The following MBD2 variants were observed in gnomAD, a reference collection of about 807,000 sequenced individuals.
MBD2 encodes methyl-CpG binding domain protein 2.
MBD2 carries 9 observed loss-of-function variants against 39.3 expected under a neutral mutation model. That is an observed-to-expected ratio of 0.23 (90% confidence interval 0.14 to 0.40). The LOEUF (loss-of-function observed/expected upper bound fraction) is 0.40, where lower values mean the gene tolerates loss of function less well. MBD2 is among the 10% of genes least tolerant of loss of function. MBD2 has a pLI of 1.00. For missense variants in MBD2, 458 were observed against 532.6 expected, an observed-to-expected ratio of 0.86 and a Z score of 1.38; for synonymous variants, 233 against 211.1, an observed-to-expected ratio of 1.10 and a Z score of -0.90.
intron 6 of MBD2, among the ~76,000 whole-genome samples, chr18:54,157,727 C>T (rs2086063407): frequency 6.6e-6 from 1 of 152,060 alleles, no homozygotes; most frequent in Non-Finnish European, 1.5e-5. Context: ...TTCAACTCAC[C>T]CTCCCTGCAA....
intron 3 of MBD2, among the ~76,000 whole-genome samples, chr18:54,180,578 G>A (rs1469000155): frequency 6.6e-6 from 1 of 151,946 alleles, no homozygotes; most frequent in Admixed American, 6.6e-5. Flanking sequence ...AGAAATAATG[G>A]CTAAAATTAA....
At chr18:54,208,780 C>T (rs1021957794) in intron 1 of MBD2, among the ~76,000 whole-genome samples, 1 of 152,178 alleles carries the variant, frequency 6.6e-6, no homozygotes, top group Non-Finnish European at 1.5e-5. Flanking sequence ...TTATCCACTG[C>T]AGCTGAAAAC....
chr18:54,162,257 A>G (rs2086103175), intron 5 of MBD2, among the ~76,000 whole-genome samples: 1 of 152,252 alleles, frequency 6.6e-6, no homozygotes, highest in East Asian at 1.9e-4. Flanking sequence ...AATTTGTTAC[A>G]AAGTATTAAA....
chr18:54,197,813 A>G (rs61634392), intron 2 of MBD2, among the ~76,000 whole-genome samples: 33,496 of 152,134 alleles, frequency 0.22, 4,335 homozygotes, highest in East Asian at 0.4. Flanking sequence ...TTTTGATTTC[A>G]GTATCAAATT....
chr18:54,206,216 G>A (rs1267653410), intron 1 of MBD2, among the ~76,000 whole-genome samples: 4 of 152,306 alleles, frequency 2.6e-5, no homozygotes, highest in Admixed American at 2.0e-4. Flanking sequence ...AAGTAATACT[G>A]CCAAAGCTGG....
At chr18:54,200,224 T>G (rs1386386350) in intron 2 of MBD2, among the ~76,000 whole-genome samples, 1 of 152,002 alleles carries the variant, frequency 6.6e-6, no homozygotes, top group Non-Finnish European at 1.5e-5. Flanking sequence ...AAGATACCAG[T>G]AGTATTGTCA....
chr18:54,168,598 T>TATATATATATATATATAC (rs1491141841), intron 3 of MBD2, among the ~76,000 whole-genome samples: 4 of 136,070 alleles, frequency 2.9e-5, no homozygotes, highest in African/African-American at 1.2e-4. Flanking sequence ...TATATATATA[T>TATATATATATATATATAC]TTATGTATGC....
chr18:54,192,889 G>A (rs1055588419), intron 2 of MBD2, among the ~76,000 whole-genome samples: 1 of 152,208 alleles, frequency 6.6e-6, no homozygotes, highest in Non-Finnish European at 1.5e-5. Context: ...ATTGTCTAAT[G>A]AGACAGTTCA....
At chr18:54,191,155 T>A (rs2086317572) in intron 2 of MBD2, among the ~76,000 whole-genome samples, 1 of 152,216 alleles carries the variant, frequency 6.6e-6, no homozygotes, top group African/African-American at 2.4e-5. Context: ...TTCTCAAGCC[T>A]GAGCATGCAT....
intron 3 of MBD2, among the ~76,000 whole-genome samples, chr18:54,171,806 G>A (rs2086181326): frequency 6.6e-6 from 1 of 152,150 alleles, no homozygotes; most frequent in Non-Finnish European, 1.5e-5. Context: ...GCAGCATTTT[G>A]GAGAAGATAT....
At chr18:54,170,099 G>A (rs2086169502) in intron 3 of MBD2, among the ~76,000 whole-genome samples, 1 of 152,202 alleles carries the variant, frequency 6.6e-6, no homozygotes, top group South Asian at 2.1e-4. Flanking sequence ...GAGCATCTTT[G>A]GAGAAACCAT....
Position 54,224,453 on chromosome 18 carries a change from C to T in MBD2, c.107G>A (p.Gly36Asp), listed in dbSNP as rs757112030. The change falls in exon 1 of 7, where the codon GGC becomes GAC. Residue 36 changes from glycine to aspartate, a missense_variant. By Grantham distance (94) the Gly-to-Asp change is moderately conservative. Transcript: ENST00000256429. ...AGGDSAIEQG[G>D]QGSALAPSPV... The stretch of plus-strand genomic sequence containing the variant: ...GGACGGGGCGAGCGCGCTGCCCTGG[C>T]CCCCCTGCTCTATGGCGGAGTCGCC... 1.7e-5 allele frequency: 21 copies of T among 1,233,284 alleles called. No homozygotes were observed. Among genetic ancestry groups the T allele is most frequent in the Non-Finnish European group, 2.0e-5 (20 of 990,390 alleles). The allele number at this position is 1,233,284 out of a possible 1,614,324, so 76.4% of individuals were successfully genotyped here.
At chr18:54,223,879 C>T in intron 1 of MBD2, 139 bp downstream of exon 1, 1 of 658,542 alleles carries the variant, frequency 1.5e-6, no homozygotes, top group Non-Finnish European at 2.4e-6. Context: ...CCCAAGGGTT[C>T]CGCCACCTTC....
rs1159504850 is a variant in MBD2 at position 54,224,116 on chromosome 18, C to T, written c.444G>A (p.Lys148=). ...GGGGGAGGGCCGGGCAATCCATCCT[C>T]TTCCCGCTCTCCGTGGCCCGGGGTC... The part of the protein sequence containing the change: ...PRGPRATESG[K]RMDCPALPPG... The change falls in exon 1 of 7, where the codon AAG becomes AAA. Residue 148 remains lysine (K), a synonymous_variant. Transcript: ENST00000256429. 1 of 1,569,882 alleles carries T rather than the reference C, an allele frequency of 6.4e-7. No individual in the cohort carries two copies. Among genetic ancestry groups the T allele is most frequent in the Admixed American group, 1.7e-5 (1 of 57,318 alleles).
intron 3 of MBD2, among the ~76,000 whole-genome samples, chr18:54,174,072 T>C (rs191922133): frequency 5.1e-4 from 78 of 152,278 alleles, no homozygotes; most frequent in Non-Finnish European, 9.3e-4. Flanking sequence ...CCTTAACCAG[T>C]AGCAACTGTC....
chr18:54,161,286 C>A (rs1457969408), intron 5 of MBD2, among the ~76,000 whole-genome samples: 2 of 152,166 alleles, frequency 1.3e-5, no homozygotes, highest in Admixed American at 1.3e-4. Context: ...TATAGACTTC[C>A]ACTTATTAAA....
rs1167148218 is a variant in MBD2, at chr18:54,224,641, G to A, written c.-82C>T. 8.9e-6 allele frequency: 9 copies of A among 1,014,182 alleles called. No homozygotes were observed. The highest frequency in any genetic ancestry group is 7.6e-6 in the Non-Finnish European group (6 of 790,062). 62.8% of individuals were successfully genotyped at this position (1,014,182 alleles called of 1,614,324 possible). A position where few individuals can be genotyped will look rare whatever the true frequency, so the allele number is the denominator to read the frequency against. On this transcript the variant is annotated 5_prime_UTR_variant, in exon 1 of 7. Transcript: ENST00000256429. ...CGGAGACCCGCCCCGCCCGCAGCGCGGCGCGCGGGGGACGCGCGCAAGCAT... is the reference window on the plus strand; with the variant it reads ...CGGAGACCCGCCCCGCCCGCAGCGCAGCGCGCGGGGGACGCGCGCAAGCAT...
At chr18:54,186,023 T>C (rs1343712243) in intron 3 of MBD2, among the ~76,000 whole-genome samples, 1 of 152,092 alleles carries the variant, frequency 6.6e-6, no homozygotes, top group Non-Finnish European at 1.5e-5. Context: ...ATAAATGACC[T>C]GGGCATAGGA....
intron 2 of MBD2, among the ~76,000 whole-genome samples, chr18:54,204,330 C>A (rs1486669297): frequency 6.6e-6 from 1 of 152,138 alleles, no homozygotes; most frequent in Non-Finnish European, 1.5e-5. Flanking sequence ...GATATTGGGT[C>A]CTTTAACATA....
Sources: gnomAD v4.1 joint callset for allele counts (sites outside exome capture counted in the v4.1 genomes callset) on GRCh38, gnomAD v4.1.1 for gene constraint, MANE v1.5 for transcripts, NCBI Gene and HGNC (gene_info 2026-07-23, HGNC 2026-07-21) for gene names.